Variants in ACER3 observed in about 807,000 individuals in gnomAD.
ACER3 encodes alkaline ceramidase 3.
Under a neutral mutation model 48.9 loss-of-function variants are expected in ACER3, and 16 were observed. The ratio of observed to expected loss-of-function variants is 0.33; its 90% CI spans 0.22 to 0.50. The LOEUF is 0.50. ACER3 is among the 20% of genes least tolerant of loss of function. The probability of loss-of-function intolerance (pLI) is 0.98; values close to 1 mark genes in which losing one functional copy is unlikely to be tolerated. For synonymous variants in ACER3, 109 were observed against 107.8 expected (o/e 1.01, Z -0.07); for missense variants, 227 against 326.0 (o/e 0.70, Z 2.34).
chr11:76,955,397 A>C (rs1947812578), intron 2 of ACER3: 1 of 152,334 alleles, frequency 6.6e-6, no homozygotes, highest in South Asian at 2.1e-4. Flanking sequence ...GCCGTAACAA[A>C]ATACCATAGA....
intron 2 of ACER3, 77 bp downstream of exon 2, chr11:76,926,744 T>G: frequency 1.0e-6 from 1 of 986,430 alleles, no homozygotes; most frequent in Non-Finnish European, 1.5e-6. Flanking sequence ...TAAAAGCGGT[T>G]TTCAATTTTG....
rs1460114478 is a variant in ACER3, at chr11:77,022,030, C to G, written c.*1703C>G. On this transcript the variant is annotated 3_prime_UTR_variant, in exon 11 of 11. Coordinates refer to ENST00000532485, the MANE Select transcript of ACER3 (RefSeq NM_018367.7). ...CCATAAGACTATACTTGATTTTGCC[C>G]CAAGATTCTGACTTCTGGCTACATT... 2 of 152,178 alleles carry G rather than the reference C, an allele frequency of 1.3e-5. No homozygotes were observed. Among genetic ancestry groups the G allele is most frequent in the African/African-American group, 4.8e-5 (2 of 41,438 alleles). The allele number at this position is 152,178 out of a possible 1,614,324, so 9.4% of individuals were successfully genotyped here. A position where few individuals can be genotyped will look rare whatever the true frequency, so the allele number is the denominator to read the frequency against.
intron 4 of ACER3, among the ~76,000 whole-genome samples, chr11:76,979,420 C>T (rs944326351): frequency 1.3e-5 from 2 of 152,006 alleles, no homozygotes; most frequent in Non-Finnish European, 2.9e-5. Flanking sequence ...GGTGTCAAGC[C>T]CTATTTCAAA....
chr11:76,889,587 CA>C (rs1267530082), intron 1 of ACER3, among the ~76,000 whole-genome samples: 2 of 152,168 alleles, frequency 1.3e-5, no homozygotes. Flanking sequence ...AAGACTTTCA[CA>C]ATCTGCCCTT....
chr11:77,019,878 C>A, intron 10 of ACER3, 102 bp downstream of exon 10: 1 of 1,205,304 alleles, frequency 8.3e-7, no homozygotes, highest in Non-Finnish European at 1.2e-6. Context: ...GGTAGTGGAG[C>A]AAACACAGGC....
chr11:77,020,422 A>G lies in ACER3; in HGVS notation c.*95A>G. On this transcript the variant is annotated 3_prime_UTR_variant, in exon 11 of 11. Coordinates refer to ENST00000532485, the MANE Select transcript of ACER3 (RefSeq NM_018367.7). The stretch of plus-strand genomic sequence containing the variant: ...AAAGATCTACAAGTTCAAATATGTC[A>G]TGACCATCACAGCAGAGGAGTGACT... 1 of 1,403,138 alleles carries G rather than the reference A, an allele frequency of 7.1e-7. No homozygotes were observed. Among genetic ancestry groups the G allele is most frequent in the Non-Finnish European group, 9.9e-7 (1 of 1,010,352 alleles). 86.9% of individuals were successfully genotyped at this position (1,403,138 alleles called of 1,614,324 possible).
At chr11:76,972,435 C>T (rs1948329559) in intron 3 of ACER3, among the ~76,000 whole-genome samples, 1 of 152,024 alleles carries the variant, frequency 6.6e-6, no homozygotes, top group Admixed American at 6.6e-5. Flanking sequence ...TTAAAATAGC[C>T]ATAGTTGTAT....
At chr11:76,938,465 C>T (rs146856727) in intron 2 of ACER3, among the ~76,000 whole-genome samples, 32 of 151,876 alleles carry the variant, frequency 2.1e-4, no homozygotes, top group African/African-American at 6.5e-4. Context: ...ACTACAGGTG[C>T]GCACCACTAC....
chr11:76,897,239 G>A (rs1021460654), intron 1 of ACER3, among the ~76,000 whole-genome samples: 10 of 152,186 alleles, frequency 6.6e-5, no homozygotes, highest in Admixed American at 2.6e-4. Context: ...TTACAGGCAT[G>A]AGCCACCACA....
intron 1 of ACER3, among the ~76,000 whole-genome samples, chr11:76,869,210 T>G (rs1945178465): frequency 6.6e-6 from 1 of 152,162 alleles, no homozygotes; most frequent in African/African-American, 2.4e-5. Context: ...TGGTGTCTGC[T>G]GTAGAACTGA....
At chr11:76,886,271 A>T (rs866758060) in intron 1 of ACER3, among the ~76,000 whole-genome samples, 2 of 152,166 alleles carry the variant, frequency 1.3e-5, no homozygotes, top group South Asian at 2.1e-4. Flanking sequence ...CTTTGGGAAG[A>T]TTAGTGTTTT....
At chr11:76,976,214 A>T (rs1216921462) in intron 3 of ACER3, 75 bp from the exon 4 acceptor site, 2 of 1,109,428 alleles carry the variant, frequency 1.8e-6, no homozygotes, top group Non-Finnish European at 2.7e-6. Flanking sequence ...AATCATTTTG[A>T]TGTTTTATTT....
intron 2 of ACER3, among the ~76,000 whole-genome samples, chr11:76,954,851 C>T (rs981015089): frequency 6.6e-6 from 1 of 152,144 alleles, no homozygotes; most frequent in South Asian, 2.1e-4. Context: ...ATCTACCCAC[C>T]TTGGCCTCCC....
rs761198154 is a variant in ACER3 at position 76,990,570 on chromosome 11, A to G, written c.434A>G (p.His145Arg). The change falls in exon 6 of 11, where the codon CAT (histidine) becomes CGT (arginine). Residue 145 changes from histidine to arginine, a missense_variant. Transcript: ENST00000532485. ...VYLKVKEPIF[H>R]QVMYGMLVFT... ...CTTAAGGTAAAAGAGCCGATATTCC[A>G]TCAGGTAATTTTTTGTAAATTATTA... 6.8e-6 allele frequency: 10 copies of G among 1,471,892 alleles called. No individual in the cohort carries two copies. The highest frequency in any genetic ancestry group is 1.7e-5 in the Admixed American group (1 of 58,568). The allele number at this position is 1,471,892 out of a possible 1,614,324, so 91.2% of individuals were successfully genotyped here. A position where few individuals can be genotyped will look rare whatever the true frequency, so the allele number is the denominator to read the frequency against.
chr11:77,000,669 A>G (rs782226821), intron 7 of ACER3, among the ~76,000 whole-genome samples: 2 of 152,226 alleles, frequency 1.3e-5, no homozygotes, highest in Admixed American at 6.5e-5. Context: ...GGAAAAGACT[A>G]TCCTTTCTCC....
In ACER3 at chr11:77,025,770, C is replaced by G. The variant is rs1046638741; in HGVS notation, c.*5443C>G. ...TGCAACAGAAACTGTATGTAGCCTG[C>G]AAAGCCTAAAATGTTTACTCTCTGG... On this transcript the variant is annotated 3_prime_UTR_variant, in exon 11 of 11. Transcript: ENST00000532485. 2.6e-5 allele frequency: 4 copies of G among 152,208 alleles called. No individual in the cohort carries two copies. The highest frequency in any genetic ancestry group is 9.7e-5 in the African/African-American group (4 of 41,440). The allele number at this position is 152,208 out of a possible 1,614,324, so 9.4% of individuals were successfully genotyped here. A position where few individuals can be genotyped will look rare whatever the true frequency, so the allele number is the denominator to read the frequency against.
chr11:77,014,237 C>T (rs1949322915), intron 7 of ACER3, among the ~76,000 whole-genome samples: 1 of 152,236 alleles, frequency 6.6e-6, no homozygotes, highest in Non-Finnish European at 1.5e-5. Context: ...ATACCTGCCT[C>T]ACAGGGATTT....
At chr11:76,973,510 T>A (rs1435790480) in intron 3 of ACER3, among the ~76,000 whole-genome samples, 1 of 152,138 alleles carries the variant, frequency 6.6e-6, no homozygotes, top group Non-Finnish European at 1.5e-5. Flanking sequence ...CTCATGCCTG[T>A]CCACACCCTC....
At chr11:76,894,284 C>A (rs926763196) in intron 1 of ACER3, among the ~76,000 whole-genome samples, 27 of 152,138 alleles carry the variant, frequency 1.8e-4, no homozygotes, top group Admixed American at 7.9e-4. Context: ...GTCTCAAAAA[C>A]AAACAAATAC....
Sources: allele counts gnomAD v4.1 joint callset (sites outside exome capture counted in the v4.1 genomes callset), GRCh38; gene constraint gnomAD v4.1.1; transcripts MANE v1.5; gene names NCBI Gene and HGNC (gene_info 2026-07-23, HGNC 2026-07-21).